Variants in TGFBR3 observed in about 807,000 individuals in gnomAD.
The protein encoded by TGFBR3 is transforming growth factor beta receptor type 3.
A neutral mutation model predicts 87.9 loss-of-function variants in TGFBR3; 46 were observed. The ratio of observed to expected loss-of-function variants is 0.52; its 90% CI spans 0.41 to 0.67. TGFBR3 has a LOEUF of 0.67. Ranked by LOEUF, TGFBR3 falls within the 30% of genes least tolerant of loss-of-function variation. The pLI is 0.00. For missense variants in TGFBR3, 866 were observed against 1,041.9 expected, an observed-to-expected ratio of 0.83 and a Z score of 2.32; for synonymous variants, 381 against 391.6, an observed-to-expected ratio of 0.97 and a Z score of 0.32.
intron 2 of TGFBR3, among the ~76,000 whole-genome samples, chr1:91,839,547 C>T (rs535589177): frequency 6.6e-6 from 1 of 152,296 alleles, no homozygotes; most frequent in African/African-American, 2.4e-5. Flanking sequence ...TAATTCCTAT[C>T]AACATAACAT....
intron 2 of TGFBR3, among the ~76,000 whole-genome samples, chr1:91,806,483 G>A (rs1041854562): frequency 6.6e-6 from 1 of 151,972 alleles, no homozygotes; most frequent in East Asian, 1.9e-4. Flanking sequence ...GGCGGGGGGG[G>A]TAATGTTTTG....
intron 1 of TGFBR3, among the ~76,000 whole-genome samples, chr1:91,901,392 A>G (rs1471008482): frequency 6.6e-6 from 1 of 152,210 alleles, no homozygotes; most frequent in African/African-American, 2.4e-5. Flanking sequence ...ATGAATGGAA[A>G]CTACATCCAA....
chr1:91,733,095 C>T (rs1334790778), intron 5 of TGFBR3, among the ~76,000 whole-genome samples: 1 of 152,216 alleles, frequency 6.6e-6, no homozygotes, highest in Non-Finnish European at 1.5e-5. Context: ...AGCTACCTAT[C>T]ATGAGAGTAC....
chr1:91,838,129 CT>C (rs558618516), intron 2 of TGFBR3, among the ~76,000 whole-genome samples: 15 of 152,138 alleles, frequency 9.9e-5, no homozygotes, highest in Non-Finnish European at 2.2e-4. Flanking sequence ...TTCATTAAAT[CT>C]TTATTTGGTC....
intron 2 of TGFBR3, among the ~76,000 whole-genome samples, chr1:91,827,871 G>A (rs751439101): frequency 2.0e-5 from 3 of 152,124 alleles, no homozygotes; most frequent in African/African-American, 4.8e-5. Context: ...TGAATGAATC[G>A]ATCCATTCAG....
chr1:91,885,007 C>T (rs927989527), intron 1 of TGFBR3, among the ~76,000 whole-genome samples: 1 of 152,254 alleles, frequency 6.6e-6, no homozygotes, highest in Non-Finnish European at 1.5e-5. Context: ...CGCTAACCTC[C>T]GTGCGGTGCT....
intron 2 of TGFBR3, among the ~76,000 whole-genome samples, chr1:91,799,374 T>C (rs1675515241): frequency 6.6e-6 from 1 of 152,196 alleles, no homozygotes; most frequent in African/African-American, 2.4e-5. Context: ...CAGGAGGTAC[T>C]GACTGTAAAT....
intron 2 of TGFBR3, among the ~76,000 whole-genome samples, chr1:91,897,340 A>T (rs958083018): frequency 3.3e-5 from 5 of 152,230 alleles, no homozygotes; most frequent in African/African-American, 1.2e-4. Flanking sequence ...TTCGTTAGAA[A>T]GGGTAATAGG....
At chr1:91,878,294 A>AC (rs1553176026) in intron 1 of TGFBR3, among the ~76,000 whole-genome samples, 16 of 151,854 alleles carry the variant, frequency 1.1e-4, no homozygotes, top group Admixed American at 3.3e-4. Context: ...AAAAAAAAAA[A>AC]ACACACATTC....
In TGFBR3 at chr1:91,773,429, C is replaced by G. The variant is rs147181273; in HGVS notation, c.247-14679G>C. Among the ~76,000 whole-genome samples, 52 of 152,112 alleles carry G rather than the reference C, an allele frequency of 3.4e-4. 1 individual carries two copies. The East Asian group carries it at 9.1e-3, about 27-fold the overall frequency. On this transcript the variant is annotated intron_variant, in intron 3 of 16. Coordinates refer to ENST00000212355, the MANE Select transcript of TGFBR3 (RefSeq NM_003243.5). Reference sequence around the variant, plus strand: ...GCACAGTGGCTCATGAGCATTATCCCAGCAATTTGGGAGGCCAAGGCGGGC... The same window carrying G: ...GCACAGTGGCTCATGAGCATTATCCGAGCAATTTGGGAGGCCAAGGCGGGC...
At chr1:91,698,050 CAGG>C in intron 15 of TGFBR3, 36 bp downstream of exon 15, 5 of 1,602,898 alleles carry the variant, frequency 3.1e-6, no homozygotes, top group Non-Finnish European at 4.3e-6. Context: ...TAGGAAAGCC[CAGG>C]AGGTTTTATT....
At position 91,683,406 on chromosome 1, in the gene TGFBR3, T is replaced by A. The variant is rs1670977777; in HGVS notation, c.*333A>T. 1.9e-6 allele frequency: 1 copy of A among 539,262 alleles called. No individual in the cohort carries two copies. The highest frequency in any genetic ancestry group is 1.9e-5 in the African/African-American group (1 of 53,350). 33.4% of individuals were successfully genotyped at this position (539,262 alleles called of 1,614,324 possible). On this transcript the variant is annotated 3_prime_UTR_variant, in exon 17 of 17. Transcript: ENST00000212355. ...ACTCAGGGCCCCAAATTATGGATGT[T>A]CTCACCTGGACAAAGCAGCATTTTA...
chr1:91,775,836 T>C (rs1000490258), intron 3 of TGFBR3, among the ~76,000 whole-genome samples: 1 of 152,236 alleles, frequency 6.6e-6, no homozygotes, highest in Non-Finnish European at 1.5e-5. Context: ...AATGATACAT[T>C]GTTGTACTGA....
chr1:91,898,832 T>A (rs1679616003), intron 2 of TGFBR3, among the ~76,000 whole-genome samples: 1 of 152,194 alleles, frequency 6.6e-6, no homozygotes, highest in Non-Finnish European at 1.5e-5. Flanking sequence ...ATAATTACAA[T>A]GATTTTAAAA....
At chr1:91,886,738 C>T (rs1382949720), upstream of TGFBR3, among the ~76,000 whole-genome samples, 1 of 152,164 alleles carries the variant, frequency 6.6e-6, no homozygotes, top group African/African-American at 2.4e-5. Context: ...ATGGTGGGCG[C>T]CGGCGGAGTC....
At chr1:91,830,370 T>C (rs1271864959) in intron 2 of TGFBR3, among the ~76,000 whole-genome samples, 4 of 152,104 alleles carry the variant, frequency 2.6e-5, no homozygotes, top group Non-Finnish European at 5.9e-5. Context: ...GGTTTAGCCC[T>C]GGCAATCTGG....
At chr1:91,815,251 G>A (rs1676175274) in intron 2 of TGFBR3, among the ~76,000 whole-genome samples, 2 of 131,778 alleles carry the variant, frequency 1.5e-5, no homozygotes, top group Admixed American at 7.6e-5. Context: ...GCAGTGAGCT[G>A]GGATCGCACC....
At chr1:91,737,235 TG>T (rs1215410296) in intron 4 of TGFBR3, among the ~76,000 whole-genome samples, 3 of 152,202 alleles carry the variant, frequency 2.0e-5, no homozygotes, top group African/African-American at 7.2e-5. Context: ...TGTCCCTGAC[TG>T]CAGGTCAGTG....
rs757188919 is a variant in TGFBR3, at chr1:91,681,075, T to C, written c.*2664A>G. 9 of 453,976 alleles carry C rather than the reference T, an allele frequency of 2.0e-5. 1 individual carries two copies. The highest frequency in any genetic ancestry group is 4.0e-5 in the Non-Finnish European group (9 of 226,802). 28.1% of individuals were successfully genotyped at this position (453,976 alleles called of 1,614,324 possible). A position where few individuals can be genotyped will look rare whatever the true frequency, so the allele number is the denominator to read the frequency against. On this transcript the variant is annotated 3_prime_UTR_variant, in exon 17 of 17. Transcript: ENST00000212355. Reference sequence around the variant, plus strand: ...GCCTCTGCAAATTAAGGGTGTAGCCTGCAGAAATAACAAAAGACTGCAGAT... The same window carrying C: ...GCCTCTGCAAATTAAGGGTGTAGCCCGCAGAAATAACAAAAGACTGCAGAT...
Sources: allele counts gnomAD v4.1 joint callset (sites outside exome capture counted in the v4.1 genomes callset), GRCh38; gene constraint gnomAD v4.1.1; transcripts MANE v1.5; gene names NCBI Gene and HGNC (gene_info 2026-07-23, HGNC 2026-07-21).